DLG2: variants seen among roughly 807,000 people sequenced by gnomAD.
DLG2 encodes disks large homolog 2.
A neutral mutation model predicts 132.5 loss-of-function variants in DLG2; 45 were observed. The ratio of observed to expected loss-of-function variants is 0.34; its 90% CI spans 0.27 to 0.44. The LOEUF is 0.44. Ranked by LOEUF, DLG2 falls within the 20% of genes least tolerant of loss-of-function variation. The pLI is 1.00. For synonymous variants in DLG2, 424 were observed against 419.6 expected (o/e 1.01, Z -0.13); for missense variants, 1,045 against 1,196.9 (o/e 0.87, Z 1.87).
chr11:84,526,775 G>GTTTT (rs775164278), intron 7 of DLG2, among the ~76,000 whole-genome samples: 35 of 120,372 alleles, frequency 2.9e-4, no homozygotes, highest in African/African-American at 6.8e-4. Flanking sequence ...CACTGGGGGT[G>GTTTT]TTTTTTTTTT....
intron 4 of DLG2, among the ~76,000 whole-genome samples, chr11:85,157,272 C>CAT (rs201144634): frequency 0.022 from 3,322 of 151,596 alleles, 60 homozygotes; most frequent in Admixed American, 0.041. Context: ...TTAATAAGCA[C>CAT]ATATATATAT....
chr11:85,416,922 A>T (rs1457726849), intron 3 of DLG2, among the ~76,000 whole-genome samples: 2 of 152,150 alleles, frequency 1.3e-5, no homozygotes. Context: ...TTCCTATTTG[A>T]ATATGCTTTA....
intron 18 of DLG2, among the ~76,000 whole-genome samples, chr11:83,661,209 T>C (rs2074180328): frequency 6.6e-6 from 1 of 152,176 alleles, no homozygotes; most frequent in Admixed American, 6.6e-5. Context: ...CCTATAACTC[T>C]GAATTAGTGC....
At chr11:84,494,816 T>G (rs1046740393) in intron 7 of DLG2, among the ~76,000 whole-genome samples, 2 of 152,178 alleles carry the variant, frequency 1.3e-5, no homozygotes, top group Non-Finnish European at 2.9e-5. Context: ...GGGAGCCAAG[T>G]TGACTTGCTG....
intron 6 of DLG2, among the ~76,000 whole-genome samples, chr11:84,826,078 A>G (rs1414883188): frequency 2.0e-5 from 3 of 151,830 alleles, no homozygotes; most frequent in East Asian, 3.9e-4. Flanking sequence ...CTGGGTAGAT[A>G]GTAGGTATAT....
At chr11:85,030,085 C>T (rs582884) in intron 6 of DLG2, among the ~76,000 whole-genome samples, 1 of 152,036 alleles carries the variant, frequency 6.6e-6, no homozygotes, top group Non-Finnish European at 1.5e-5. Flanking sequence ...TCTACCCTAG[C>T]GGGGAAGGCT....
chr11:85,198,054 C>T (rs2081193300), intron 4 of DLG2, among the ~76,000 whole-genome samples: 1 of 151,852 alleles, frequency 6.6e-6, no homozygotes, highest in Non-Finnish European at 1.5e-5. Flanking sequence ...CCTGTCGGGA[C>T]CAAACTTATT....
intron 7 of DLG2, among the ~76,000 whole-genome samples, chr11:84,502,170 C>T (rs10466721): frequency 2.7e-5 from 1 of 36,630 alleles, no homozygotes; most frequent in African/African-American, 2.0e-4. Flanking sequence ...TTCTCTCTCT[C>T]TCTCTTTCTC....
At chr11:85,103,845 A>G (rs993260440) in intron 6 of DLG2, among the ~76,000 whole-genome samples, 17 of 151,966 alleles carry the variant, frequency 1.1e-4, no homozygotes, top group African/African-American at 4.1e-4. Flanking sequence ...AATATCCAGA[A>G]CATGTAAAGA....
At chr11:83,856,102 T>C (rs1002778597) in intron 16 of DLG2, among the ~76,000 whole-genome samples, 1 of 152,200 alleles carries the variant, frequency 6.6e-6, no homozygotes, top group East Asian at 1.9e-4. Flanking sequence ...TTTTCTGTTC[T>C]TGCATTATTT....
intron 11 of DLG2, among the ~76,000 whole-genome samples, chr11:83,998,256 T>C (rs1464643885): frequency 6.6e-6 from 1 of 152,214 alleles, no homozygotes; most frequent in Non-Finnish European, 1.5e-5. Context: ...ATTTTGTTTG[T>C]TGTTGGCTTG....
intron 6 of DLG2, among the ~76,000 whole-genome samples, chr11:84,847,851 T>A (rs745733838): frequency 2.6e-5 from 4 of 152,050 alleles, no homozygotes; most frequent in Non-Finnish European, 4.4e-5. Flanking sequence ...GCCTTCTGTC[T>A]CATAAAGTAC....
chr11:85,095,518 A>G (rs1205360018), intron 6 of DLG2, among the ~76,000 whole-genome samples: 2 of 151,952 alleles, frequency 1.3e-5, no homozygotes, highest in Non-Finnish European at 2.9e-5. Flanking sequence ...TTTCAGTCCT[A>G]TGGGCTCTTA....
At chr11:84,707,565 A>T (rs1006193956) in intron 6 of DLG2, among the ~76,000 whole-genome samples, 2 of 151,872 alleles carry the variant, frequency 1.3e-5, no homozygotes, top group African/African-American at 4.8e-5. Context: ...CTTATCCATT[A>T]TAAGAGTACA....
At chr11:83,753,664 A>T (rs2093439195) in intron 18 of DLG2, among the ~76,000 whole-genome samples, 1 of 144,024 alleles carries the variant, frequency 6.9e-6, no homozygotes, top group African/African-American at 2.6e-5. Context: ...ATATATATAT[A>T]TTTTAAATTG....
chr11:83,490,450 A>C (rs2093775099), intron 21 of DLG2, among the ~76,000 whole-genome samples: 1 of 151,950 alleles, frequency 6.6e-6, no homozygotes, highest in African/African-American at 2.4e-5. Context: ...AGGAAGGATA[A>C]AGTCAGGAAA....
chr11:84,904,482 AC>A (rs1319731747), intron 6 of DLG2, among the ~76,000 whole-genome samples: 2 of 152,126 alleles, frequency 1.3e-5, no homozygotes, highest in Non-Finnish European at 2.9e-5. Flanking sequence ...ACTAAATCAG[AC>A]TATACTGTTT....
At chr11:85,143,393 C>A (rs1410541328) in intron 5 of DLG2, among the ~76,000 whole-genome samples, 1 of 151,684 alleles carries the variant, frequency 6.6e-6, no homozygotes, top group Admixed American at 6.6e-5. Context: ...TGTAATGTCA[C>A]GTTTTTCATC....
At chr11:83,825,724 C>T (rs935564791) in intron 17 of DLG2, among the ~76,000 whole-genome samples, 1 of 152,132 alleles carries the variant, frequency 6.6e-6, no homozygotes, top group Non-Finnish European at 1.5e-5. Context: ...TGATATGGCT[C>T]TTCCTTTTTG....
Sources: allele counts gnomAD v4.1 joint callset (sites outside exome capture counted in the v4.1 genomes callset), GRCh38; gene constraint gnomAD v4.1.1; transcripts MANE v1.5; gene names NCBI Gene and HGNC (gene_info 2026-07-23, HGNC 2026-07-21).